Variants in DAB2IP observed in about 807,000 individuals in gnomAD.
The protein encoded by DAB2IP is disabled homolog 2-interacting protein.
DAB2IP carries 28 observed loss-of-function variants against 107.2 expected under a neutral mutation model. That is an observed-to-expected ratio of 0.26 (90% CI 0.19 to 0.36). The LOEUF (loss-of-function observed/expected upper bound fraction) is 0.36. DAB2IP is among the 10% of genes least tolerant of loss of function. The pLI, the probability that DAB2IP is intolerant of heterozygous loss-of-function variation, is 1.00. For missense variants in DAB2IP, 1,400 were observed against 1,644.7 expected (o/e 0.85, Z 2.57); for synonymous variants, 755 against 706.4 (o/e 1.07, Z -1.09).
chr9:121,586,141 T>C (rs908194627), intron 1 of DAB2IP, among the ~76,000 whole-genome samples: 4 of 152,196 alleles, frequency 2.6e-5, no homozygotes, highest in African/African-American at 9.6e-5. Context: ...AACCTGGAAA[T>C]TGGAATTGCC....
At chr9:121,614,434 A>T (rs1182895706) in intron 1 of DAB2IP, among the ~76,000 whole-genome samples, 1 of 137,796 alleles carries the variant, frequency 7.3e-6, no homozygotes, top group East Asian at 2.1e-4. Flanking sequence ...TCTGCCTCCT[A>T]GGTTCAAGTG....
chr9:121,567,359 C>A, intron 1 of DAB2IP: 2 of 1,390,208 alleles, frequency 1.4e-6, no homozygotes, highest in Non-Finnish European at 2.0e-6. Flanking sequence ...GGTCTTGGGA[C>A]CCATGGGTGG....
At chr9:121,669,468 A>G (rs539886778) in intron 1 of DAB2IP, among the ~76,000 whole-genome samples, 1 of 152,264 alleles carries the variant, frequency 6.6e-6, no homozygotes, top group South Asian at 2.1e-4. Context: ...GGCATCTCAG[A>G]AAGTGTGTGT....
intron 1 of DAB2IP, among the ~76,000 whole-genome samples, chr9:121,590,761 CAACA>C (rs1402166936): frequency 6.6e-6 from 1 of 152,128 alleles, no homozygotes; most frequent in African/African-American, 2.4e-5. Flanking sequence ...CTCATTCATT[CAACA>C]AACATTCATT....
At chr9:121,704,882 G>A (rs535871555) in intron 3 of DAB2IP, among the ~76,000 whole-genome samples, 1 of 152,276 alleles carries the variant, frequency 6.6e-6, no homozygotes, top group Non-Finnish European at 1.5e-5. Context: ...TGGAGCTGGG[G>A]CCTATGCAGA....
Position 121,699,690 on chromosome 9 carries a change from G to A in DAB2IP, c.362+232G>A, listed in dbSNP as rs1829661886. On this transcript the variant is annotated intron_variant, in intron 3 of 15. Transcript: ENST00000408936. This position sits in a 1 kb window ranked among gnomAD's most constrained non-coding sequence, Gnocchi z 6.2. ...AGTAGAAGAGAGGAGAGCAGAGGGT[G>A]CCCGCGGCGGCCCGGGCGAGGCCGG... is the stretch of plus-strand genomic sequence containing the variant. Among the ~76,000 whole-genome samples, 1 of 152,040 alleles carries A rather than the reference G, an allele frequency of 6.6e-6. No homozygotes were observed. The highest frequency in any genetic ancestry group is 2.4e-5 in the African/African-American group (1 of 41,454).
At chr9:121,616,070 T>G (rs1219401469) in intron 1 of DAB2IP, among the ~76,000 whole-genome samples, 1 of 151,704 alleles carries the variant, frequency 6.6e-6, no homozygotes, top group African/African-American at 2.4e-5. Flanking sequence ...GACATGAGAG[T>G]CAAATGTCCT....
rs910421489 is a variant in DAB2IP, at chr9:121,736,925, G to A, written c.363-20088G>A. On this transcript the variant is annotated intron_variant, in intron 3 of 15. Transcript: ENST00000408936. This position sits in a 1 kb window ranked among gnomAD's most constrained non-coding sequence, Gnocchi z 4.6. ...AAGATGACTTCAGGGTAGTTCTGTG[G>A]AGAAAATGAAGCAGGGTGATAACTT... Among the ~76,000 whole-genome samples the A allele has an allele frequency of 1.3e-5, 2 of 152,212 alleles. No homozygotes were observed. The highest frequency in any genetic ancestry group is 2.9e-5 in the Non-Finnish European group (2 of 68,042).
chr9:121,775,766 C>T (rs766455820), intron 13 of DAB2IP, among the ~76,000 whole-genome samples: 8 of 152,230 alleles, frequency 5.3e-5, no homozygotes, highest in Non-Finnish European at 1.5e-5. Flanking sequence ...GCTAGTCAGT[C>T]GCTCTTCATG....
In DAB2IP at chr9:121,699,286, C is replaced by A. The variant is rs759956692; in HGVS notation, c.229-39C>A. 2 of 1,325,060 alleles carry A rather than the reference C, an allele frequency of 1.5e-6. No homozygotes were observed. The highest frequency in any genetic ancestry group is 1.6e-5 in the South Asian group (1 of 62,558). 82.1% of individuals were successfully genotyped at this position (1,325,060 alleles called of 1,614,324 possible). On this transcript the variant is annotated intron_variant, in intron 2 of 15. Coordinates refer to ENST00000408936, the Ensembl canonical transcript of DAB2IP. The surrounding 1 kb of genome is among the most constrained non-coding windows in gnomAD (Gnocchi z 6.2). ...TCCCGGCCCGCCGCCGCCGCGCTAA[C>A]CCCGCCTCCCCTTCCCCCTCTTGTC...
At chr9:121,722,674 G>T (rs867044517) in intron 3 of DAB2IP, among the ~76,000 whole-genome samples, 1 of 151,840 alleles carries the variant, frequency 6.6e-6, no homozygotes, top group Admixed American at 6.5e-5. Flanking sequence ...TGGATCATAG[G>T]GGGAGTGACA....
exon 16 of DAB2IP, chr9:121,783,814 T>C (rs1835825400): frequency 1.8e-6 from 1 of 546,162 alleles, no homozygotes; most frequent in Non-Finnish European, 3.3e-6. Flanking sequence ...GTAGCTTATC[T>C]GCCCCTCCCC....
At chr9:121,607,509 T>C (rs1426163201) in intron 1 of DAB2IP, among the ~76,000 whole-genome samples, 1 of 151,994 alleles carries the variant, frequency 6.6e-6, no homozygotes, top group Non-Finnish European at 1.5e-5. Context: ...TGCTGTGTTG[T>C]CCAGGCTGGC....
intron 11 of DAB2IP, among the ~76,000 whole-genome samples, chr9:121,771,240 G>C (rs56047115): frequency 6.6e-6 from 1 of 152,312 alleles, no homozygotes; most frequent in Non-Finnish European, 1.5e-5. Flanking sequence ...GGTCTGCTCT[G>C]CCTAAATAAG....
rs1829543948 is a variant in DAB2IP at position 121,698,494 on chromosome 9, G to A, written c.229-831G>A. On this transcript the variant is annotated intron_variant, in intron 2 of 15. Transcript: ENST00000408936. The surrounding 1 kb of genome is among the most constrained non-coding windows in gnomAD (Gnocchi z 4.1). ...GCAACCTGTTAGGTGGATAAATGGCGTGAATAAGGTTCCCCAAATCTTGAA... is the reference window on the plus strand; with the variant it reads ...GCAACCTGTTAGGTGGATAAATGGCATGAATAAGGTTCCCCAAATCTTGAA... Among the ~76,000 whole-genome samples the A allele has an allele frequency of 6.6e-6, 1 of 152,204 alleles. No homozygotes were observed. The highest frequency in any genetic ancestry group is 2.4e-5 in the African/African-American group (1 of 41,448).
In DAB2IP at chr9:121,635,855, C is replaced by T. The variant is rs1832068264; in HGVS notation, c.41-42823C>T. On this transcript the variant is annotated intron_variant, in intron 1 of 16. Transcript: ENST00000259371. This position sits in a 1 kb window ranked among gnomAD's most constrained non-coding sequence, Gnocchi z 4.3. ...CCAGGAGAGTCACATTTGTGGGACC[C>T]TGCTGCAGAGGACCTTCCCAAGGGA... Among the ~76,000 whole-genome samples, 1 of 151,826 alleles carries T rather than the reference C, an allele frequency of 6.6e-6. No individual in the cohort carries two copies. The highest frequency in any genetic ancestry group is 2.4e-5 in the African/African-American group (1 of 41,284).
intron 8 of DAB2IP, 102 bp downstream of exon 8, chr9:121,763,981 G>A: frequency 6.6e-7 from 1 of 1,506,964 alleles, no homozygotes; most frequent in East Asian, 2.3e-5. Flanking sequence ...CCCCTGAGTT[G>A]TACTGACTTG....
At chr9:121,641,892 C>CCTTT (rs71370681) in intron 1 of DAB2IP, among the ~76,000 whole-genome samples, 13,298 of 88,660 alleles carry the variant, frequency 0.15, 916 homozygotes, top group Middle Eastern at 0.19. Context: ...CATTTCTTTC[C>CCTTT]CTTTCTTTCT....
At chr9:121,693,337 C>A (rs1829254429) in intron 2 of DAB2IP, among the ~76,000 whole-genome samples, 1 of 152,178 alleles carries the variant, frequency 6.6e-6, no homozygotes, top group South Asian at 2.1e-4. Context: ...TTTTCTAGTG[C>A]CCCCACCAGC....
Sources: allele counts gnomAD v4.1 joint callset (sites outside exome capture counted in the v4.1 genomes callset), GRCh38; gene constraint gnomAD v4.1.1; non-coding constraint Gnocchi (gnomAD v3.1); transcripts MANE v1.5; gene names NCBI Gene and HGNC (gene_info 2026-07-23, HGNC 2026-07-21).